Variants in LUC7L3 observed in about 807,000 individuals in gnomAD.
LUC7L3 encodes luc7-like protein 3.
In LUC7L3, 6 loss-of-function variants were observed where a neutral mutation model predicts 66.8. The observed-to-expected ratio is 0.09, with a 90% CI of 0.05 to 0.18. LUC7L3 has a LOEUF of 0.18. Ranked by LOEUF, LUC7L3 falls within the 10% of genes least tolerant of loss-of-function variation. The pLI, the probability that LUC7L3 is intolerant of heterozygous loss-of-function variation, is 1.00. For missense variants in LUC7L3, 341 were observed against 531.1 expected, an observed-to-expected ratio of 0.64 and a Z score of 3.52; for synonymous variants, 160 against 174.7, an observed-to-expected ratio of 0.92 and a Z score of 0.66.
intron 2 of LUC7L3, 97 bp from the exon 3 acceptor site, chr17:50,740,209 C>A: frequency 1.1e-6 from 1 of 917,322 alleles, no homozygotes; most frequent in Non-Finnish European, 1.7e-6. Flanking sequence ...AAAGTGAATC[C>A]TTTTTCTTTT....
chr17:50,746,856 C>T (rs146765070), intron 9 of LUC7L3, among the ~76,000 whole-genome samples, 154 bp downstream of exon 9: 362 of 152,318 alleles, frequency 2.4e-3, no homozygotes, highest in African/African-American at 7.7e-3. Flanking sequence ...TTCTTTCCCC[C>T]TCTCCTACTT....
At chr17:50,749,355 G>A in intron 9 of LUC7L3, 2 of 1,287,790 alleles carry the variant, frequency 1.6e-6, no homozygotes, top group Non-Finnish European at 2.0e-6. Context: ...GTCAGTTAGA[G>A]CCCACTGTCC....
Position 50,720,049 on chromosome 17 carries a change from G to A in LUC7L3, c.99+218G>A, listed in dbSNP as rs1254644935. Among the ~76,000 whole-genome samples the A allele has an allele frequency of 3.9e-5, 6 of 152,392 alleles. No individual in the cohort carries two copies. The East Asian group carries it at 7.7e-4, about 20-fold the overall frequency. On this transcript the variant is annotated intron_variant, in intron 1 of 9. Transcript: ENST00000505658. ...TCTAGTATCAAGGGGGTCCGGGAGA[G>A]CCCTTGGCATAATTGAAAAGCACCT...
intron 6 of LUC7L3, among the ~76,000 whole-genome samples, chr17:50,744,127 A>G (rs757845306): frequency 2.6e-5 from 4 of 152,244 alleles, no homozygotes; most frequent in Non-Finnish European, 5.9e-5. Flanking sequence ...GTAATAAATT[A>G]CTCAGTACAT....
At chr17:50,740,823 G>T (rs1970303516) in intron 3 of LUC7L3, among the ~76,000 whole-genome samples, 1 of 152,146 alleles carries the variant, frequency 6.6e-6, no homozygotes, top group Non-Finnish European at 1.5e-5. Flanking sequence ...GCCTCCCAAA[G>T]TGCTGGGATT....
At chr17:50,729,896 TTATATATATATATATATATATATA>T (rs1156777167) in intron 1 of LUC7L3, among the ~76,000 whole-genome samples, 6,736 of 65,392 alleles carry the variant, frequency 0.1, 326 homozygotes, top group Non-Finnish European at 0.12. Flanking sequence ...TATAAATACA[TTATATATATATATATATATATATA>T]TATATATATA....
chr17:50,755,595 C>G lies in LUC7L3; in HGVS notation c.*4934C>G, dbSNP rs963449590. On this transcript the variant is annotated 3_prime_UTR_variant, in exon 10 of 10. Coordinates refer to ENST00000505658, the MANE Select transcript of LUC7L3 (RefSeq NM_016424.5). ...ATCTATTTCTTCCCCTCAGCCATCC[C>G]AAATAGGTCATTTGTCAACAGATTT... The G allele has an allele frequency of 6.6e-6, 1 of 152,146 alleles. No individual in the cohort carries two copies. Among genetic ancestry groups the G allele is most frequent in the African/African-American group, 2.4e-5 (1 of 41,430 alleles). 9.4% of individuals were successfully genotyped at this position (152,146 alleles called of 1,614,324 possible).
chr17:50,749,474 T>C, intron 9 of LUC7L3: 1 of 776,600 alleles, frequency 1.3e-6, no homozygotes, highest in Non-Finnish European at 1.7e-6. Context: ...ATATGCTCTT[T>C]TACATAAGAT....
Position 50,744,693 on chromosome 17 carries a change from T to G in LUC7L3, c.573T>G (p.Val191=). The change falls in exon 7 of 10, where the codon GTT becomes GTG. Residue 191 remains valine, a synonymous_variant. Transcript: ENST00000505658. ...CTGCACAAGAAAAACAAATGGAAGTTTGTGAAGTATGTGGAGCCTTTTTAA... is the reference window on the plus strand; with the variant it reads ...CTGCACAAGAAAAACAAATGGAAGTGTGTGAAGTATGTGGAGCCTTTTTAA... ...SFAAQEKQME[V]CEVCGAFLIV... 6.2e-7 allele frequency: 1 copy of G among 1,613,814 alleles called. No homozygotes were observed.
At chr17:50,724,961 A>G (rs1346620442) in intron 1 of LUC7L3, among the ~76,000 whole-genome samples, 2 of 151,896 alleles carry the variant, frequency 1.3e-5, no homozygotes, top group African/African-American at 2.4e-5. Context: ...GGGTTTCACC[A>G]TGTTTGCCGG....
chr17:50,737,077 T>TA (rs1409093339), intron 2 of LUC7L3, 51 bp downstream of exon 2: 4 of 1,354,198 alleles, frequency 3.0e-6, no homozygotes, highest in Admixed American at 1.9e-5. Context: ...ATTTAAAATG[T>TA]TGAATAGGAG....
chr17:50,735,646 T>G (rs1567865933), intron 1 of LUC7L3, among the ~76,000 whole-genome samples: 1 of 152,012 alleles, frequency 6.6e-6, no homozygotes, highest in Non-Finnish European at 1.5e-5. Flanking sequence ...GCTGGGACTG[T>G]GCCACCATGC....
intron 1 of LUC7L3, among the ~76,000 whole-genome samples, chr17:50,725,821 C>G (rs1969143909): frequency 6.6e-6 from 1 of 152,048 alleles, no homozygotes; most frequent in Admixed American, 6.6e-5. Context: ...ATTTTCCTAC[C>G]ACAAAATACA....
In LUC7L3 at chr17:50,751,850, G is replaced by C; in HGVS notation, c.*1189G>C. 1 of 1,010,420 alleles carries C rather than the reference G, an allele frequency of 9.9e-7. No individual in the cohort carries two copies. The highest frequency in any genetic ancestry group is 1.2e-6 in the Non-Finnish European group (1 of 844,996). 62.6% of individuals were successfully genotyped at this position (1,010,420 alleles called of 1,614,324 possible). ...TTGGGTTTTTAAAGAAATATTAAAAGTTAGGTACTGTAAGTGTTCTTAAAA... is the reference window on the plus strand; with the variant it reads ...TTGGGTTTTTAAAGAAATATTAAAACTTAGGTACTGTAAGTGTTCTTAAAA... On this transcript the variant is annotated 3_prime_UTR_variant, in exon 10 of 10. Transcript: ENST00000505658.
At chr17:50,746,843 G>T in intron 9 of LUC7L3, 141 bp downstream of exon 9, 1 of 616,012 alleles carries the variant, frequency 1.6e-6, no homozygotes, top group Non-Finnish European at 2.7e-6. Flanking sequence ...TAGGAGACAG[G>T]CATTCTTTCC....
At chr17:50,721,666 A>G (rs1968775601) in intron 1 of LUC7L3, among the ~76,000 whole-genome samples, 1 of 152,212 alleles carries the variant, frequency 6.6e-6, no homozygotes, top group Non-Finnish European at 1.5e-5. Flanking sequence ...AGGTGGAATT[A>G]TTGTATAATG....
chr17:50,737,702 C>T (rs1401552504), intron 2 of LUC7L3, among the ~76,000 whole-genome samples: 1 of 152,078 alleles, frequency 6.6e-6, no homozygotes, highest in East Asian at 1.9e-4. Context: ...CAGACATTGC[C>T]AGATGTCCCC....
intron 9 of LUC7L3, chr17:50,749,099 A>T: frequency 1.8e-6 from 1 of 554,842 alleles, no homozygotes; most frequent in Non-Finnish European, 2.7e-6. Flanking sequence ...CAAAGCTGTC[A>T]GCAACCAGTG....
At position 50,750,486 on chromosome 17, in the gene LUC7L3, C is replaced by T. The variant is rs563603837; in HGVS notation, c.1139-15C>T. ...TTACTTTAAAATCCATGGTCAATGT[C>T]TTCTTTTATGGCAGAAAAGAGGGGA... is the stretch of plus-strand genomic sequence containing the variant. On this transcript the variant is annotated splice_polypyrimidine_tract_variant and intron_variant, in intron 9 of 9. Coordinates refer to ENST00000505658, the MANE Select transcript of LUC7L3 (RefSeq NM_016424.5). 10 of 1,603,308 alleles carry T rather than the reference C, an allele frequency of 6.2e-6. No individual in the cohort carries two copies. In the African/African-American group the frequency reaches 6.7e-5, roughly 11 times the overall value.
Sources: gnomAD v4.1 joint callset for allele counts (sites outside exome capture counted in the v4.1 genomes callset) on GRCh38, gnomAD v4.1.1 for gene constraint, MANE v1.5 for transcripts, NCBI Gene and HGNC (gene_info 2026-07-23, HGNC 2026-07-21) for gene names.